The following GALNT18 variants were observed in gnomAD, a reference collection of about 807,000 sequenced individuals.
GALNT18 encodes the protein GalNAc-transferase 18.
A neutral mutation model predicts 69.5 loss-of-function variants in GALNT18; 44 were observed. That is an observed-to-expected ratio of 0.63 (90% CI 0.50 to 0.81). The LOEUF (loss-of-function observed/expected upper bound fraction) is 0.81. Among genes scored for constraint, GALNT18 ranks in the 40% least tolerant of loss-of-function variants. The pLI is 0.00. For synonymous variants in GALNT18, 364 were observed against 318.2 expected (o/e 1.14, Z -1.53); for missense variants, 715 against 810.0 (o/e 0.88, Z 1.42).
In GALNT18 at chr11:11,620,144, G is replaced by A. The variant is rs937029023; in HGVS notation, c.235+1215C>T. ...AAGGGAGTGCTCCTGGCGGGGGGGT[G>A]GGGGGTAAGCCTTCAGTTCAATTCG... On this transcript the variant is annotated intron_variant, in intron 1 of 10. Transcript: ENST00000227756. The surrounding 1 kb of genome is among the most constrained non-coding windows in gnomAD (Gnocchi z 6.9). Among the ~76,000 whole-genome samples, 9 of 151,474 alleles carry A rather than the reference G, an allele frequency of 5.9e-5. No individual in the cohort carries two copies. Among genetic ancestry groups the A allele is most frequent in the African/African-American group, 4.9e-5 (2 of 41,182 alleles).
At chr11:11,473,332 G>A (rs1334010851) in intron 1 of GALNT18, among the ~76,000 whole-genome samples, 1 of 152,194 alleles carries the variant, frequency 6.6e-6, no homozygotes, top group Admixed American at 6.5e-5. Context: ...CCCAGAATAT[G>A]CTCTTCTATA....
intron 10 of GALNT18, among the ~76,000 whole-genome samples, chr11:11,272,463 G>A (rs1449920702): frequency 6.6e-6 from 1 of 152,158 alleles, no homozygotes; most frequent in Admixed American, 6.5e-5. Context: ...CAAAGTCCAA[G>A]CTCCTCAGTG....
intron 3 of GALNT18, among the ~76,000 whole-genome samples, chr11:11,386,905 C>T (rs1398654666): frequency 6.6e-6 from 1 of 152,192 alleles, no homozygotes; most frequent in Non-Finnish European, 1.5e-5. Context: ...AAATCGCAGG[C>T]TCCAGAGTAC....
intron 1 of GALNT18, among the ~76,000 whole-genome samples, chr11:11,557,080 T>C (rs1858349171): frequency 6.6e-6 from 1 of 152,172 alleles, no homozygotes; most frequent in South Asian, 2.1e-4. Context: ...GGACACTGGA[T>C]GGCCCTATGA....
At chr11:11,325,213 G>T (rs1233508401) in intron 9 of GALNT18, among the ~76,000 whole-genome samples, 1 of 152,216 alleles carries the variant, frequency 6.6e-6, no homozygotes, top group Admixed American at 6.5e-5. Context: ...CAGTAACTTG[G>T]ATGAAGCTGG....
intron 3 of GALNT18, among the ~76,000 whole-genome samples, chr11:11,422,896 C>T (rs529388670): frequency 3.9e-5 from 6 of 152,270 alleles, no homozygotes; most frequent in Admixed American, 3.9e-4. Flanking sequence ...CACAGTTGTG[C>T]AATTATTTGT....
chr11:11,621,799 C>T lies in GALNT18; in HGVS notation c.-206G>A. On this transcript the variant is annotated 5_prime_UTR_variant, in exon 1 of 11. Transcript: ENST00000227756. This position sits in a 1 kb window ranked among gnomAD's most constrained non-coding sequence, Gnocchi z 9.3. Reference sequence around the variant, plus strand: ...CCTGCCGCTGGCCACCCGGAGAGACCTTGACAAAGGAAACCAGGTGGATTT... The same window carrying T: ...CCTGCCGCTGGCCACCCGGAGAGACTTTGACAAAGGAAACCAGGTGGATTT... 1 of 589,600 alleles carries T rather than the reference C, an allele frequency of 1.7e-6. No individual in the cohort carries two copies. The highest frequency in any genetic ancestry group is 2.1e-5 in the South Asian group (1 of 48,178). The allele number at this position is 589,600 out of a possible 1,614,324, so 36.5% of individuals were successfully genotyped here. A position where few individuals can be genotyped will look rare whatever the true frequency, so the allele number is the denominator to read the frequency against.
chr11:11,288,844 G>T (rs535423902), intron 10 of GALNT18, among the ~76,000 whole-genome samples: 1 of 150,700 alleles, frequency 6.6e-6, no homozygotes, highest in Non-Finnish European at 1.5e-5. Context: ...ATATGCAAAT[G>T]CCTATCTATC....
chr11:11,433,166 G>A (rs1187387677), intron 2 of GALNT18, among the ~76,000 whole-genome samples: 1 of 152,252 alleles, frequency 6.6e-6, no homozygotes, highest in Non-Finnish European at 1.5e-5. Flanking sequence ...TTTCCAAAAT[G>A]GTAACCAACA....
chr11:11,394,000 C>A (rs1029551579), intron 3 of GALNT18, among the ~76,000 whole-genome samples: 2 of 149,854 alleles, frequency 1.3e-5, no homozygotes, highest in African/African-American at 4.9e-5. Flanking sequence ...TGATGCCAAG[C>A]GGTGGAGACG....
Position 11,396,349 on chromosome 11 carries a change from G to A in GALNT18, c.596-17085C>T, listed in dbSNP as rs1854327498. Among the ~76,000 whole-genome samples the A allele has an allele frequency of 6.6e-6, 1 of 152,152 alleles. No individual in the cohort carries two copies. Among genetic ancestry groups the A allele is most frequent in the South Asian group, 2.1e-4 (1 of 4,820 alleles). On this transcript the variant is annotated intron_variant, in intron 3 of 10. Coordinates refer to ENST00000227756, the MANE Select transcript of GALNT18 (RefSeq NM_198516.3). This position sits in a 1 kb window ranked among gnomAD's most constrained non-coding sequence, Gnocchi z 5.2. ...TCGAGAGGTGAGGAAGAGAGAGTTT[G>A]CTTAGAGATTAAATGATGTCATCAG...
intron 10 of GALNT18, among the ~76,000 whole-genome samples, chr11:11,275,160 AAC>A (rs1472944985): frequency 2.6e-5 from 4 of 152,236 alleles, no homozygotes; most frequent in African/African-American, 9.6e-5. Flanking sequence ...CACTCCCACC[AAC>A]AGTGTAAAAG....
In GALNT18 at chr11:11,461,399, T is replaced by A. The variant is rs1476117857; in HGVS notation, c.236-12463A>T. ...GTTTTTACACTCCATGCCAACTATA[T>A]AAAGTACATGTGAAAAAACTCATTT... On this transcript the variant is annotated intron_variant, in intron 1 of 10. Transcript: ENST00000227756. The surrounding 1 kb of genome is among the most constrained non-coding windows in gnomAD (Gnocchi z 4.1). Among the ~76,000 whole-genome samples the A allele has an allele frequency of 6.6e-6, 1 of 152,182 alleles. No homozygotes were observed. The highest frequency in any genetic ancestry group is 2.4e-5 in the African/African-American group (1 of 41,432).
At chr11:11,531,193 C>T (rs1490141076) in intron 1 of GALNT18, among the ~76,000 whole-genome samples, 1 of 152,206 alleles carries the variant, frequency 6.6e-6, no homozygotes, top group Non-Finnish European at 1.5e-5. Context: ...AACCAGGCAG[C>T]GTAGAAGCCA....
chr11:11,590,866 A>G lies in GALNT18; in HGVS notation c.235+30493T>C, dbSNP rs998997135. On this transcript the variant is annotated intron_variant, in intron 1 of 10. Transcript: ENST00000227756. The surrounding 1 kb of genome is among the most constrained non-coding windows in gnomAD (Gnocchi z 4.4). ...TACCGGTCATATAAAAGTATAGAAC[A>G]TACAATTATGTACAGTACATAATCA... 6.6e-6 allele frequency among the ~76,000 whole-genome samples: 1 copy of G among 152,222 alleles called. No homozygotes were observed. Among genetic ancestry groups the G allele is most frequent in the Non-Finnish European group, 1.5e-5 (1 of 68,044 alleles).
Position 11,500,306 on chromosome 11 carries a change from G to C in GALNT18, c.236-51370C>G, listed in dbSNP as rs147952516. The stretch of plus-strand genomic sequence containing the variant: ...CGGGAGTCCCTAATACTGGCGGACA[G>C]AGATGGGTTTCAAATCCCAATTTCT... On this transcript the variant is annotated intron_variant, in intron 1 of 10. Coordinates refer to ENST00000227756, the MANE Select transcript of GALNT18 (RefSeq NM_198516.3). This position sits in a 1 kb window ranked among gnomAD's most constrained non-coding sequence, Gnocchi z 5.0. Among the ~76,000 whole-genome samples, 32 of 152,320 alleles carry C rather than the reference G, an allele frequency of 2.1e-4. No homozygotes were observed. The highest frequency in any genetic ancestry group is 7.5e-4 in the African/African-American group (31 of 41,582).
intron 1 of GALNT18, among the ~76,000 whole-genome samples, chr11:11,608,362 T>C (rs1181544036): frequency 6.6e-6 from 1 of 151,740 alleles, no homozygotes; most frequent in African/African-American, 2.4e-5. Flanking sequence ...TCTTTTTTGT[T>C]TTTTGGTTTT....
intron 1 of GALNT18, among the ~76,000 whole-genome samples, chr11:11,593,801 T>G (rs116700676): frequency 6.6e-6 from 1 of 152,110 alleles, no homozygotes; most frequent in Non-Finnish European, 1.5e-5. Flanking sequence ...AAATAAAAAT[T>G]TCCAGCCTTT....
At chr11:11,405,686 C>A (rs569604027) in intron 3 of GALNT18, among the ~76,000 whole-genome samples, 1 of 152,308 alleles carries the variant, frequency 6.6e-6, no homozygotes, top group South Asian at 2.1e-4. Context: ...TCTGAGGGCG[C>A]CTTTTGTCCA....
Sources: gnomAD v4.1 joint callset for allele counts (sites outside exome capture counted in the v4.1 genomes callset) on GRCh38, gnomAD v4.1.1 for gene constraint, Gnocchi (gnomAD v3.1) non-coding constraint, MANE v1.5 for transcripts, NCBI Gene and HGNC (gene_info 2026-07-23, HGNC 2026-07-21) for gene names.